Variants in ACOT12 observed in about 807,000 individuals in gnomAD.
ACOT12 encodes acetyl-coenzyme A thioesterase.
In ACOT12, 51 loss-of-function variants were observed where a neutral mutation model predicts 67.7. That is an observed-to-expected ratio of 0.75 (90% CI 0.60 to 0.95). The LOEUF is 0.95. ACOT12 is among the 40% of genes least tolerant of loss of function. ACOT12 has a pLI of 0.00. For missense variants in ACOT12, 734 were observed against 708.1 expected, an observed-to-expected ratio of 1.04 and a Z score of -0.41; for synonymous variants, 251 against 244.6, an observed-to-expected ratio of 1.03 and a Z score of -0.24.
chr5:81,353,535 AT>A lies in ACOT12; in HGVS notation c.497-5606del, dbSNP rs201418717. The stretch of plus-strand genomic sequence containing the variant: ...ATGCTAGCCCTAGTTTTCTTTCTGC[AT>A]ATCCAGAAAATTAACCATGATAATG... On this transcript the variant is annotated intron_variant, in intron 5 of 14. Coordinates refer to ENST00000307624, the MANE Select transcript of ACOT12 (RefSeq NM_130767.3). 9.4e-3 allele frequency among the ~76,000 whole-genome samples: 1,434 copies of A among 152,354 alleles called. 16 individuals are homozygous for A. Among genetic ancestry groups the A allele is most frequent in the African/African-American group, 0.033 (1,376 of 41,582 alleles).
intron 3 of ACOT12, among the ~76,000 whole-genome samples, chr5:81,367,541 G>A (rs1005647544): frequency 2.0e-5 from 3 of 152,010 alleles, no homozygotes; most frequent in African/African-American, 4.8e-5. Context: ...TTGCAAACCC[G>A]AGAAAAACAT....
In ACOT12 at chr5:81,382,118, C is replaced by T. The variant is rs558353790; in HGVS notation, c.197+3639G>A. On this transcript the variant is annotated intron_variant, in intron 2 of 14. Coordinates refer to ENST00000307624, the MANE Select transcript of ACOT12 (RefSeq NM_130767.3). ...TAAAATTAAAACTCAGAGATATAGA[C>T]ATAAAATCAAAGAAATTAAGTAAAA... Among the ~76,000 whole-genome samples, 5 of 152,216 alleles carry T rather than the reference C, an allele frequency of 3.3e-5. No homozygotes were observed. In the East Asian group the frequency reaches 9.6e-4, roughly 29 times the overall value.
chr5:81,311,319 G>T, the ACOT12 span: 3 of 1,587,204 alleles, frequency 1.9e-6, no homozygotes, highest in South Asian at 1.1e-5. Context: ...GGTGAGATTA[G>T]TATTCCTCTG....
In ACOT12 at chr5:81,343,851, A is replaced by T; in HGVS notation, c.1011T>A (p.Val337=). Residue 337 remains valine, a synonymous_variant, in exon 10 of 15, where the codon GTT becomes GTA. Coordinates refer to ENST00000307624, the MANE Select transcript of ACOT12 (RefSeq NM_130767.3). ...TGATATCCCAGTGTATGCAAAGTGGAACCTCTTCTTTGTGGGAAATAACAT... is the reference window on the plus strand; with the variant it reads ...TGATATCCCAGTGTATGCAAAGTGGTACCTCTTCTTTGTGGGAAATAACAT... ...RKYVISHKEE[V]PLCIHWDISK... The T allele has an allele frequency of 6.2e-7, 1 of 1,613,684 alleles. No homozygotes were observed. Among genetic ancestry groups the T allele is most frequent in the Non-Finnish European group, 8.5e-7 (1 of 1,179,908 alleles).
At chr5:81,375,133 A>T (rs1760369993) in intron 2 of ACOT12, among the ~76,000 whole-genome samples, 1 of 152,256 alleles carries the variant, frequency 6.6e-6, no homozygotes, top group Admixed American at 6.5e-5. Flanking sequence ...TCAGACTAAC[A>T]GCGGATCTCT....
chr5:81,357,184 G>A lies in ACOT12; in HGVS notation c.496+2719C>T, dbSNP rs142770384. ...TAGCCCCTCCTGCAGCGAGTCTCTCGTGAACCCTGAAGGGCCCTTCCTCTG... is the reference window on the plus strand; with the variant it reads ...TAGCCCCTCCTGCAGCGAGTCTCTCATGAACCCTGAAGGGCCCTTCCTCTG... On this transcript the variant is annotated intron_variant, in intron 5 of 14. Coordinates refer to ENST00000307624, the MANE Select transcript of ACOT12 (RefSeq NM_130767.3). Among the ~76,000 whole-genome samples, 94 of 152,112 alleles carry A rather than the reference G, an allele frequency of 6.2e-4. 1 individual carries two copies. The highest frequency in any genetic ancestry group is 9.7e-4 in the Non-Finnish European group (66 of 68,000).
At chr5:81,321,052 T>C in the ACOT12 span, among the ~76,000 whole-genome samples, 11 of 152,112 alleles carry the variant, frequency 7.2e-5, no homozygotes, top group Admixed American at 6.5e-4. Context: ...ATCCAGCAGC[T>C]CAAGACCGGC....
the ACOT12 span, chr5:81,308,679 C>G: frequency 6.2e-7 from 1 of 1,613,086 alleles, no homozygotes; most frequent in Non-Finnish European, 8.5e-7. Context: ...CACGAAATAA[C>G]CAAGTGTAAG....
chr5:81,374,451 T>A (rs1168261023), intron 2 of ACOT12, among the ~76,000 whole-genome samples: 1 of 151,862 alleles, frequency 6.6e-6, no homozygotes, highest in Non-Finnish European at 1.5e-5. Flanking sequence ...GGATCACAAC[T>A]CCGTGCCAGG....
chr5:81,322,309 T>A, the ACOT12 span, among the ~76,000 whole-genome samples: 1 of 152,004 alleles, frequency 6.6e-6, no homozygotes, highest in Non-Finnish European at 1.5e-5. Context: ...AGAAAAACAA[T>A]ATTCTCTGTC....
chr5:81,394,000 C>T lies in ACOT12; in HGVS notation c.115G>A (p.Ala39Thr). The T allele has an allele frequency of 7.1e-7, 1 of 1,409,560 alleles. No individual in the cohort carries two copies. The highest frequency in any genetic ancestry group is 9.2e-7 in the Non-Finnish European group (1 of 1,084,288). 87.3% of individuals were successfully genotyped at this position (1,409,560 alleles called of 1,614,324 possible). ...GGCGCCCGCCTACCCGCCAGGCAGG[C>T]GGTGGTGTCGATCCACTTGAGCAGC... ...GQLLKWIDTT[A>T]CLAAEKHAGV... Residue 39 changes from alanine (A) to threonine (T), a missense_variant, in exon 1 of 15, where the codon GCC (alanine) becomes ACC (threonine). Transcript: ENST00000307624.
intron 4 of ACOT12, among the ~76,000 whole-genome samples, chr5:81,360,667 A>G (rs1458494390): frequency 1.3e-5 from 2 of 152,194 alleles, no homozygotes; most frequent in African/African-American, 4.8e-5. Context: ...CCCTGTGTGT[A>G]GAAGGAAGGG....
At chr5:81,332,375 G>A (rs1758855584) in intron 13 of ACOT12, 102 bp downstream of exon 13, 1 of 1,274,464 alleles carries the variant, frequency 7.8e-7, no homozygotes, top group East Asian at 2.4e-5. Flanking sequence ...CATAATTCAA[G>A]AGCAGAAATA....
At chr5:81,314,395 G>T in the ACOT12 span, among the ~76,000 whole-genome samples, 1 of 152,064 alleles carries the variant, frequency 6.6e-6, no homozygotes, top group Non-Finnish European at 1.5e-5. Flanking sequence ...GAGCCACCAT[G>T]CCCGGCCTAC....
downstream of ACOT12, among the ~76,000 whole-genome samples, chr5:81,325,562 G>GC (rs1221233168): frequency 2.6e-5 from 4 of 152,150 alleles, no homozygotes; most frequent in Admixed American, 2.6e-4. Context: ...AGGAAACGGG[G>GC]GGGCATGTAA....
chr5:81,383,564 C>T (rs926464816), intron 2 of ACOT12, among the ~76,000 whole-genome samples: 5 of 152,072 alleles, frequency 3.3e-5, no homozygotes, highest in African/African-American at 1.2e-4. Context: ...TGTTAAAAGA[C>T]ACTTAAGAGA....
At chr5:81,341,954 G>A (rs540785461) in intron 11 of ACOT12, among the ~76,000 whole-genome samples, 3 of 152,170 alleles carry the variant, frequency 2.0e-5, no homozygotes, top group Admixed American at 2.0e-4. Flanking sequence ...TGGAAGAAAT[G>A]TCACAAGATA....
intron 2 of ACOT12, among the ~76,000 whole-genome samples, chr5:81,377,333 C>T (rs539963935): frequency 2.0e-5 from 3 of 152,206 alleles, no homozygotes; most frequent in East Asian, 1.9e-4. Context: ...ATTGATGGAA[C>T]GTATCTCAAA....
chr5:81,370,366 C>T (rs1053373999), intron 3 of ACOT12, among the ~76,000 whole-genome samples: 7 of 152,206 alleles, frequency 4.6e-5, no homozygotes, highest in African/African-American at 1.7e-4. Context: ...GTTGTTATAA[C>T]TGAACTGTGT....
Sources: gnomAD v4.1 joint callset for allele counts (sites outside exome capture counted in the v4.1 genomes callset) on GRCh38, gnomAD v4.1.1 for gene constraint, MANE v1.5 for transcripts, NCBI Gene and HGNC (gene_info 2026-07-23, HGNC 2026-07-21) for gene names.